Variants in GRM7 observed in about 807,000 individuals in gnomAD.
GRM7 encodes the protein glutamate metabotropic receptor 7.
In GRM7, 35 loss-of-function variants were observed where a neutral mutation model predicts 84.5. The observed-to-expected ratio is 0.41, with a 90% confidence interval of 0.32 to 0.55. GRM7 has a LOEUF of 0.55. Among genes scored for constraint, GRM7 ranks in the 20% least tolerant of loss-of-function variants. The pLI is 0.19. For synonymous variants in GRM7, 487 were observed against 455.1 expected (o/e 1.07, Z -0.89); for missense variants, 1,003 against 1,194.6 (o/e 0.84, Z 2.36).
At chr3:7,478,964 G>T (rs1472771755) in intron 7 of GRM7, among the ~76,000 whole-genome samples, 1 of 152,148 alleles carries the variant, frequency 6.6e-6, no homozygotes, top group Non-Finnish European at 1.5e-5. Context: ...AGTATAAGCT[G>T]AGAACCAGAA....
chr3:7,501,845 G>A (rs1427225735), intron 7 of GRM7, among the ~76,000 whole-genome samples: 1 of 152,202 alleles, frequency 6.6e-6, no homozygotes, highest in African/African-American at 2.4e-5. Flanking sequence ...GTTTGGAACT[G>A]AGTGTCAGAA....
intron 2 of GRM7, among the ~76,000 whole-genome samples, chr3:7,285,832 T>A (rs1351742316): frequency 6.6e-6 from 1 of 152,178 alleles, no homozygotes; most frequent in Non-Finnish European, 1.5e-5. Context: ...TTTATGATTT[T>A]TTTCCTTCTA....
intron 7 of GRM7, among the ~76,000 whole-genome samples, chr3:7,553,697 T>A (rs554667462): frequency 6.6e-6 from 1 of 152,122 alleles, no homozygotes; most frequent in Admixed American, 6.5e-5. Flanking sequence ...TCAGATCTCA[T>A]GAGAATGTAC....
chr3:6,935,675 T>A (rs960007977), intron 1 of GRM7, among the ~76,000 whole-genome samples: 22 of 117,630 alleles, frequency 1.9e-4, no homozygotes, highest in African/African-American at 6.2e-4. Flanking sequence ...TTCTTATTTT[T>A]AAATTATTAT....
intron 2 of GRM7, among the ~76,000 whole-genome samples, chr3:7,223,877 G>A (rs1010907468): frequency 8.5e-5 from 13 of 152,298 alleles, no homozygotes; most frequent in South Asian, 2.1e-4. Context: ...GTTTCTTAGC[G>A]TTGGTGAAGC....
intron 1 of GRM7, among the ~76,000 whole-genome samples, chr3:7,078,663 A>G (rs74662146): frequency 0.013 from 2,038 of 152,282 alleles, 25 homozygotes; most frequent in Admixed American, 0.025. Flanking sequence ...GGGATGATGA[A>G]TAGGATTTAT....
intron 1 of GRM7, among the ~76,000 whole-genome samples, chr3:6,998,568 C>T (rs1694905813): frequency 6.6e-6 from 1 of 152,242 alleles, no homozygotes; most frequent in Non-Finnish European, 1.5e-5. Context: ...TTCCCTTCTG[C>T]ACTGCCCTAG....
chr3:7,106,437 A>G (rs1304819617), intron 1 of GRM7, among the ~76,000 whole-genome samples: 1 of 151,732 alleles, frequency 6.6e-6, no homozygotes, highest in African/African-American at 2.4e-5. Flanking sequence ...GTTTTTAAAC[A>G]TCTTGGATTG....
At chr3:6,995,396 G>A (rs142789896) in intron 1 of GRM7, among the ~76,000 whole-genome samples, 24 of 152,234 alleles carry the variant, frequency 1.6e-4, no homozygotes, top group African/African-American at 2.4e-4. Flanking sequence ...AGCAGACGGC[G>A]GTCAGATTCA....
chr3:7,490,793 G>A (rs1408963879), intron 7 of GRM7, among the ~76,000 whole-genome samples: 1 of 151,998 alleles, frequency 6.6e-6, no homozygotes, highest in Non-Finnish European at 1.5e-5. Flanking sequence ...TATCTTCCTG[G>A]TAGCTGTGTA....
At chr3:7,569,950 A>T (rs1165690438) in intron 7 of GRM7, among the ~76,000 whole-genome samples, 2 of 152,322 alleles carry the variant, frequency 1.3e-5, no homozygotes, top group East Asian at 3.9e-4. Context: ...AGTGAGACCA[A>T]GAACCCACCA....
intron 5 of GRM7, among the ~76,000 whole-genome samples, chr3:7,446,741 T>G (rs1697532316): frequency 6.6e-6 from 1 of 152,158 alleles, no homozygotes; most frequent in Non-Finnish European, 1.5e-5. Flanking sequence ...ATTACTGGCG[T>G]GAGCTACCTT....
intron 1 of GRM7, among the ~76,000 whole-genome samples, chr3:6,972,712 C>T (rs1305070701): frequency 2.6e-5 from 4 of 152,156 alleles, no homozygotes; most frequent in African/African-American, 4.8e-5. Flanking sequence ...GCGGTAAGGA[C>T]GGTCCCTTAG....
intron 7 of GRM7, among the ~76,000 whole-genome samples, chr3:7,501,822 A>G (rs1699893299): frequency 6.6e-6 from 1 of 152,224 alleles, no homozygotes; most frequent in Non-Finnish European, 1.5e-5. Flanking sequence ...ATGGAAATAA[A>G]CAATTGGAAA....
intron 7 of GRM7, among the ~76,000 whole-genome samples, chr3:7,465,329 A>G (rs1048906352): frequency 2.0e-5 from 3 of 152,162 alleles, no homozygotes; most frequent in African/African-American, 7.2e-5. Flanking sequence ...GTTTAATTCA[A>G]TTAGTGTGGC....
intron 1 of GRM7, among the ~76,000 whole-genome samples, chr3:6,899,043 C>T (rs1218715037): frequency 1.3e-5 from 2 of 152,220 alleles, no homozygotes; most frequent in South Asian, 2.1e-4. Flanking sequence ...AATCTAGCTT[C>T]CTCAAGTGTT....
intron 1 of GRM7, among the ~76,000 whole-genome samples, chr3:7,126,852 A>T (rs565951399): frequency 6.6e-6 from 1 of 152,044 alleles, no homozygotes; most frequent in South Asian, 2.1e-4. Flanking sequence ...ATGTTTCTCC[A>T]TTCTTTCTCA....
intron 1 of GRM7, among the ~76,000 whole-genome samples, chr3:7,143,913 A>G (rs1335069944): frequency 6.6e-6 from 1 of 151,768 alleles, no homozygotes; most frequent in African/African-American, 2.4e-5. Context: ...TCCCTCTTCT[A>G]TTTTTCTGTC....
At chr3:7,339,979 T>C (rs963466578) in intron 4 of GRM7, among the ~76,000 whole-genome samples, 2 of 152,178 alleles carry the variant, frequency 1.3e-5, no homozygotes, top group Non-Finnish European at 2.9e-5. Flanking sequence ...CTTGCATAGC[T>C]AAGAAATAAC....
Sources: gnomAD v4.1 joint callset for allele counts (sites outside exome capture counted in the v4.1 genomes callset) on GRCh38, gnomAD v4.1.1 for gene constraint, MANE v1.5 for transcripts, NCBI Gene and HGNC (gene_info 2026-07-23, HGNC 2026-07-21) for gene names.